Variants in ARID5B observed in about 807,000 individuals in gnomAD.
ARID5B encodes the protein AT-rich interactive domain-containing protein 5B.
A neutral mutation model predicts 97.2 loss-of-function variants in ARID5B; 13 were observed. That is an observed-to-expected ratio of 0.13 (90% CI 0.09 to 0.21). The LOEUF (loss-of-function observed/expected upper bound fraction) is 0.21, where lower values mean the gene tolerates loss of function less well. ARID5B is among the 10% of genes least tolerant of loss of function. The pLI is 1.00. For missense variants in ARID5B, 1,210 were observed against 1,465.3 expected (o/e 0.83, Z 2.84); for synonymous variants, 556 against 570.3 (o/e 0.97, Z 0.36).
chr10:62,004,743 A>G (rs905385881), intron 4 of ARID5B, among the ~76,000 whole-genome samples: 1 of 152,266 alleles, frequency 6.6e-6, no homozygotes, highest in Non-Finnish European at 1.5e-5. Flanking sequence ...TAAAATGTCC[A>G]CCACTTTGTA....
chr10:61,928,889 G>A (rs74571010), intron 2 of ARID5B, among the ~76,000 whole-genome samples: 1,791 of 152,256 alleles, frequency 0.012, 36 homozygotes, highest in Middle Eastern at 0.041. Flanking sequence ...GTGTAATGGG[G>A]AGAACAGTTG....
chr10:61,956,443 A>G (rs1460077275), intron 3 of ARID5B, among the ~76,000 whole-genome samples: 4 of 152,254 alleles, frequency 2.6e-5, no homozygotes, highest in Non-Finnish European at 5.9e-5. Flanking sequence ...TTTATAGCAT[A>G]AACAATTGTA....
intron 4 of ARID5B, among the ~76,000 whole-genome samples, chr10:62,001,962 C>A (rs1056040663): frequency 1.3e-5 from 2 of 152,278 alleles, no homozygotes; most frequent in East Asian, 3.9e-4. Context: ...TACAAATCTT[C>A]CCTTTTCAAT....
At chr10:62,014,515 T>C (rs570806366) in intron 4 of ARID5B, among the ~76,000 whole-genome samples, 39 of 152,192 alleles carry the variant, frequency 2.6e-4, no homozygotes, top group African/African-American at 8.4e-4. Flanking sequence ...AAGCCCTGAT[T>C]TTGGAGGTAT....
chr10:61,990,323 T>C (rs948223728), intron 3 of ARID5B, among the ~76,000 whole-genome samples: 5 of 152,194 alleles, frequency 3.3e-5, no homozygotes, highest in South Asian at 2.1e-4. Flanking sequence ...GGCGAGATTA[T>C]TTTATTTTTT....
chr10:61,928,330 C>T (rs890615565), intron 2 of ARID5B, among the ~76,000 whole-genome samples: 1 of 152,100 alleles, frequency 6.6e-6, no homozygotes, highest in Non-Finnish European at 1.5e-5. Flanking sequence ...GACAGGGTCT[C>T]AACTCTGTCA....
At chr10:62,017,469 A>G (rs138453875) in intron 4 of ARID5B, among the ~76,000 whole-genome samples, 12 of 151,554 alleles carry the variant, frequency 7.9e-5, no homozygotes, top group Admixed American at 3.9e-4. Context: ...AAAATAAGTC[A>G]TGGTATTTTG....
At position 62,093,362 on chromosome 10, in the gene ARID5B, G is replaced by A. The variant is rs1184123686; in HGVS notation, c.*332G>A. The A allele has an allele frequency of 7.0e-6, 2 of 285,318 alleles. No homozygotes were observed. The highest frequency in any genetic ancestry group is 1.3e-5 in the Non-Finnish European group (2 of 152,686). 17.7% of individuals were successfully genotyped at this position (285,318 alleles called of 1,614,324 possible). A position where few individuals can be genotyped will look rare whatever the true frequency, so the allele number is the denominator to read the frequency against. On this transcript the variant is annotated 3_prime_UTR_variant, in exon 10 of 10. Coordinates refer to ENST00000279873, the MANE Select transcript of ARID5B (RefSeq NM_032199.3). ...ACCCCATCTGAGTTCGGATGGTCAG[G>A]AAACAATCTGGGCAAAAAAGAGGCA...
At chr10:62,066,506 T>G (rs1268862877) in intron 7 of ARID5B, among the ~76,000 whole-genome samples, 1 of 152,132 alleles carries the variant, frequency 6.6e-6, no homozygotes, top group East Asian at 1.9e-4. Context: ...CTGTCTTCAC[T>G]CCAGATGATC....
intron 4 of ARID5B, among the ~76,000 whole-genome samples, chr10:62,017,269 A>G (rs1188295326): frequency 1.3e-5 from 2 of 152,170 alleles, no homozygotes; most frequent in African/African-American, 2.4e-5. Context: ...CCTGGCCAAC[A>G]TGGTGAAACC....
intron 4 of ARID5B, among the ~76,000 whole-genome samples, chr10:62,009,612 A>C (rs907997081): frequency 6.6e-6 from 1 of 152,188 alleles, no homozygotes; most frequent in African/African-American, 2.4e-5. Context: ...CCCCAGGTCT[A>C]CTGACCCCAA....
At chr10:61,935,098 G>A (rs948621249) in intron 2 of ARID5B, among the ~76,000 whole-genome samples, 1 of 151,600 alleles carries the variant, frequency 6.6e-6, no homozygotes, top group Non-Finnish European at 1.5e-5. Flanking sequence ...TTACCAAAAT[G>A]TGACCTGGAG....
intron 4 of ARID5B, among the ~76,000 whole-genome samples, chr10:62,048,686 G>C (rs1347360794): frequency 1.3e-5 from 2 of 152,146 alleles, no homozygotes; most frequent in Non-Finnish European, 2.9e-5. Flanking sequence ...ACCCAGTTTG[G>C]GGATGACTTC....
intron 3 of ARID5B, among the ~76,000 whole-genome samples, chr10:61,946,567 T>C (rs1352504086): frequency 1.3e-5 from 2 of 152,226 alleles, no homozygotes; most frequent in African/African-American, 4.8e-5. Context: ...TTAAATAATA[T>C]ATTGTTGCAC....
chr10:61,965,242 T>A (rs981861238), intron 3 of ARID5B, among the ~76,000 whole-genome samples: 1 of 152,202 alleles, frequency 6.6e-6, no homozygotes, highest in Non-Finnish European at 1.5e-5. Flanking sequence ...AAGAACATTG[T>A]ATGTTCAGAG....
chr10:61,913,451 C>T (rs1049029827), intron 2 of ARID5B, among the ~76,000 whole-genome samples: 4 of 152,180 alleles, frequency 2.6e-5, no homozygotes, highest in African/African-American at 9.7e-5. Context: ...TTAATAGATG[C>T]AGAACCTAAG....
intron 7 of ARID5B, among the ~76,000 whole-genome samples, chr10:62,068,518 G>A (rs1473589112): frequency 6.6e-6 from 1 of 151,882 alleles, no homozygotes; most frequent in African/African-American, 2.4e-5. Context: ...CCGGTTGCAA[G>A]TTGAGGTTTT....
At chr10:62,011,693 C>T (rs1036947997) in intron 4 of ARID5B, among the ~76,000 whole-genome samples, 1 of 152,202 alleles carries the variant, frequency 6.6e-6, no homozygotes, top group East Asian at 1.9e-4. Context: ...CTCTTCTGGC[C>T]TCTGCACAAC....
chr10:61,947,326 T>G (rs1838253771), intron 3 of ARID5B, among the ~76,000 whole-genome samples: 1 of 147,326 alleles, frequency 6.8e-6, no homozygotes. Flanking sequence ...TGGAGTGCAG[T>G]GGTGCGATCT....
Sources: gnomAD v4.1 joint callset for allele counts (sites outside exome capture counted in the v4.1 genomes callset) on GRCh38, gnomAD v4.1.1 for gene constraint, MANE v1.5 for transcripts, NCBI Gene and HGNC (gene_info 2026-07-23, HGNC 2026-07-21) for gene names.